The following SAMTOR variants were observed in gnomAD, a reference collection of about 807,000 sequenced individuals.
The protein encoded by SAMTOR is S-adenosylmethionine sensor upstream of mTORC1.
At chr7:112,914,276 G>GTTTT in the SAMTOR span, among the ~76,000 whole-genome samples, 19,872 of 130,712 alleles carry the variant, frequency 0.15, 1,606 homozygotes, top group Middle Eastern at 0.34. Flanking sequence ...TTAGCCTCTA[G>GTTTT]TTTTTTTTTT....
the SAMTOR span, among the ~76,000 whole-genome samples, chr7:112,898,468 G>A: frequency 6.6e-6 from 1 of 152,182 alleles, no homozygotes. Context: ...CCCAGCCACA[G>A]TAAAACAAAG....
the SAMTOR span, among the ~76,000 whole-genome samples, chr7:112,873,974 A>G: frequency 3.3e-5 from 5 of 152,308 alleles, no homozygotes; most frequent in South Asian, 8.3e-4. Context: ...ACTAATCATC[A>G]GAAATGCAAA....
the SAMTOR span, among the ~76,000 whole-genome samples, chr7:112,931,796 G>A: frequency 2.6e-5 from 4 of 152,058 alleles, no homozygotes; most frequent in Non-Finnish European, 5.9e-5. Context: ...GGTCAGTATA[G>A]TTTAGTGGTT....
chr7:112,822,426 T>C, the SAMTOR span: 1 of 1,427,796 alleles, frequency 7.0e-7, no homozygotes, highest in East Asian at 2.3e-5. Context: ...ATTTCCACTT[T>C]AGTACATAGA....
chr7:112,918,930 G>A, the SAMTOR span, among the ~76,000 whole-genome samples: 1 of 152,142 alleles, frequency 6.6e-6, no homozygotes, highest in African/African-American at 2.4e-5. Context: ...CAAGACAGGA[G>A]CACCCAGATT....
At chr7:112,846,413 T>C in the SAMTOR span, among the ~76,000 whole-genome samples, 6 of 152,074 alleles carry the variant, frequency 3.9e-5, no homozygotes, top group African/African-American at 1.4e-4. Context: ...AACTATTGGA[T>C]ATTAGGCTTA....
chr7:112,851,831 A>C, the SAMTOR span, among the ~76,000 whole-genome samples: 1 of 152,276 alleles, frequency 6.6e-6, no homozygotes, highest in Admixed American at 6.5e-5. Flanking sequence ...CCATTTAAAA[A>C]GTGGGCAAAG....
the SAMTOR span, among the ~76,000 whole-genome samples, chr7:112,853,156 T>C: frequency 6.6e-6 from 1 of 152,164 alleles, no homozygotes; most frequent in Admixed American, 6.5e-5. Context: ...TTTTCACTTC[T>C]GATTCTTTAG....
the SAMTOR span, among the ~76,000 whole-genome samples, chr7:112,929,783 G>A: frequency 2.6e-5 from 4 of 152,138 alleles, no homozygotes; most frequent in East Asian, 3.9e-4. Context: ...AATGTTCTAC[G>A]CCTTATTGTG....
the SAMTOR span, among the ~76,000 whole-genome samples, chr7:112,898,698 G>A: frequency 1.3e-5 from 2 of 152,226 alleles, no homozygotes; most frequent in Non-Finnish European, 2.9e-5. Context: ...GTGGCCACAA[G>A]AGTGTCTGTG....
the SAMTOR span, among the ~76,000 whole-genome samples, chr7:112,894,606 G>A: frequency 6.6e-6 from 1 of 152,154 alleles, no homozygotes; most frequent in Admixed American, 6.5e-5. Flanking sequence ...GCAGGCAAGA[G>A]AGAATGAGAG....
the SAMTOR span, among the ~76,000 whole-genome samples, chr7:112,879,354 AAG>A: frequency 6.6e-6 from 1 of 151,968 alleles, no homozygotes; most frequent in Non-Finnish European, 1.5e-5. Context: ...ACCAACAATT[AAG>A]AGAGACACAG....
At chr7:112,836,741 C>T in the SAMTOR span, among the ~76,000 whole-genome samples, 1 of 151,938 alleles carries the variant, frequency 6.6e-6, no homozygotes, top group African/African-American at 2.4e-5. Context: ...TCAACTTTAT[C>T]GAAGATCAGA....
chr7:112,907,766 T>G, the SAMTOR span, among the ~76,000 whole-genome samples: 1 of 152,048 alleles, frequency 6.6e-6, no homozygotes, highest in African/African-American at 2.4e-5. Context: ...CCAATTCCAA[T>G]CTATCGGAGA....
At chr7:112,937,338 T>C in the SAMTOR span, among the ~76,000 whole-genome samples, 82 of 152,294 alleles carry the variant, frequency 5.4e-4, 3 homozygotes, top group East Asian at 0.012. Flanking sequence ...ATTGGTGCTA[T>C]AGTTCAGGTA....
the SAMTOR span, among the ~76,000 whole-genome samples, chr7:112,883,760 T>C: frequency 3.3e-5 from 5 of 152,222 alleles, no homozygotes; most frequent in African/African-American, 1.2e-4. Flanking sequence ...TGGCAAGTAC[T>C]AGAATTTCGC....
chr7:112,860,487 T>C, the SAMTOR span, among the ~76,000 whole-genome samples: 17 of 152,314 alleles, frequency 1.1e-4, no homozygotes, highest in East Asian at 2.7e-3. Flanking sequence ...TATTGAGTTT[T>C]CTTGCTCTTA....
the SAMTOR span, among the ~76,000 whole-genome samples, chr7:112,903,274 T>C: frequency 1.3e-5 from 2 of 150,912 alleles, no homozygotes; most frequent in Non-Finnish European, 2.9e-5. Context: ...ATCGTATCAC[T>C]GCACTCCAGC....
chr7:112,924,816 G>A, the SAMTOR span, among the ~76,000 whole-genome samples: 11 of 26,226 alleles, frequency 4.2e-4, no homozygotes, highest in African/African-American at 7.0e-4. Context: ...AATGGCCAAT[G>A]TTCTTTTTTT....
Sources: gnomAD v4.1 joint callset for allele counts (sites outside exome capture counted in the v4.1 genomes callset) on GRCh38, gnomAD v4.1.1 for gene constraint, MANE v1.5 for transcripts, NCBI Gene and HGNC (gene_info 2026-07-23, HGNC 2026-07-21) for gene names.